Variants in GRIA1 observed in about 807,000 individuals in gnomAD.
The protein encoded by GRIA1 is glutamate ionotropic receptor AMPA type subunit 1.
A neutral mutation model predicts 99.2 loss-of-function variants in GRIA1; 31 were observed. The ratio of observed to expected loss-of-function variants is 0.31; its 90% confidence interval spans 0.23 to 0.42. GRIA1 has a LOEUF of 0.42. Ranked by LOEUF, GRIA1 falls within the 10% of genes least tolerant of loss-of-function variation. GRIA1 has a pLI of 1.00. For synonymous variants in GRIA1, 438 were observed against 432.4 expected (o/e 1.01, Z -0.16); for missense variants, 782 against 1,157.5 (o/e 0.68, Z 4.71).
chr5:153,659,216 T>A (rs962124886), intron 5 of GRIA1, among the ~76,000 whole-genome samples: 4 of 152,186 alleles, frequency 2.6e-5, no homozygotes, highest in African/African-American at 9.7e-5. Flanking sequence ...TTACTTCACA[T>A]ATTAAATCCG....
chr5:153,547,876 A>T (rs1759751394), intron 2 of GRIA1, among the ~76,000 whole-genome samples: 1 of 152,172 alleles, frequency 6.6e-6, no homozygotes, highest in Non-Finnish European at 1.5e-5. Context: ...ACTGAATCAG[A>T]GGTGACCAGG....
In GRIA1 at chr5:153,802,213, T is replaced by C. The variant is rs539151145; in HGVS notation, c.2386-143T>C. On this transcript the variant is annotated intron_variant, in intron 14 of 15. Coordinates refer to ENST00000285900, the MANE Select transcript of GRIA1 (RefSeq NM_000827.4). ...GTTTAACACTTGGTCAATGAATAAA[T>C]AGCCTATCCAGCTATTGCAAATGTT... 7.9e-5 allele frequency: 52 copies of C among 655,232 alleles called. 1 individual carries two copies. The South Asian group carries it at 9.3e-4, about 12-fold the overall frequency. 40.6% of individuals were successfully genotyped at this position (655,232 alleles called of 1,614,324 possible).
intron 2 of GRIA1, among the ~76,000 whole-genome samples, chr5:153,522,060 G>A (rs1757198526): frequency 6.6e-6 from 1 of 152,232 alleles, no homozygotes; most frequent in Non-Finnish European, 1.5e-5. Flanking sequence ...AAGTGATCCT[G>A]TAATTATTGT....
intron 13 of GRIA1, among the ~76,000 whole-genome samples, chr5:153,781,309 A>G (rs927528558): frequency 6.6e-6 from 1 of 152,166 alleles, no homozygotes; most frequent in Non-Finnish European, 1.5e-5. Flanking sequence ...TGAACTCTTA[A>G]TCATATTCTT....
chr5:153,636,074 C>A (rs368446847), intron 2 of GRIA1, among the ~76,000 whole-genome samples: 1 of 152,172 alleles, frequency 6.6e-6, no homozygotes, highest in African/African-American at 2.4e-5. Flanking sequence ...GACTTTGGTC[C>A]TGTCAGGGTT....
rs550654271 is a variant in GRIA1, at chr5:153,646,247, G to C, written c.221-681G>C. ...GAAAATCAGCTAGCAAGATGTACAA[G>C]CACAAAGTGAACATTAGCAGACAAA... On this transcript the variant is annotated intron_variant, in intron 2 of 15. Coordinates refer to ENST00000285900, the MANE Select transcript of GRIA1 (RefSeq NM_000827.4). Among the ~76,000 whole-genome samples, 70 of 152,084 alleles carry C rather than the reference G, an allele frequency of 4.6e-4. No homozygotes were observed. In the South Asian group the frequency reaches 9.1e-3, roughly 20 times the overall value.
At chr5:153,605,926 T>C (rs1765398794) in intron 2 of GRIA1, among the ~76,000 whole-genome samples, 1 of 152,212 alleles carries the variant, frequency 6.6e-6, no homozygotes, top group Non-Finnish European at 1.5e-5. Flanking sequence ...TATCTCTTGC[T>C]GTGCAGGACA....
intron 11 of GRIA1, among the ~76,000 whole-genome samples, chr5:153,709,263 A>G (rs957018160): frequency 5.9e-5 from 9 of 152,364 alleles, no homozygotes; most frequent in Middle Eastern, 3.4e-3. Context: ...TAAAGCTGAC[A>G]TTCATCAAAC....
At chr5:153,706,655 C>T (rs1370023532) in intron 11 of GRIA1, among the ~76,000 whole-genome samples, 2 of 152,140 alleles carry the variant, frequency 1.3e-5, no homozygotes, top group African/African-American at 2.4e-5. Context: ...GCCCTTTATG[C>T]GGCTCTCAGA....
At chr5:153,516,303 A>G (rs1218288556) in intron 2 of GRIA1, among the ~76,000 whole-genome samples, 1 of 151,742 alleles carries the variant, frequency 6.6e-6, no homozygotes, top group Non-Finnish European at 1.5e-5. Context: ...CCATTGGATA[A>G]ATAACTGTTT....
chr5:153,694,932 G>C (rs1475418470), intron 8 of GRIA1, among the ~76,000 whole-genome samples: 3 of 151,948 alleles, frequency 2.0e-5, no homozygotes, highest in African/African-American at 7.3e-5. Flanking sequence ...GAGGAAGGAA[G>C]GGAGAAAGGA....
At chr5:153,611,243 A>C (rs1324010975) in intron 2 of GRIA1, among the ~76,000 whole-genome samples, 4 of 152,180 alleles carry the variant, frequency 2.6e-5, no homozygotes. Flanking sequence ...AAATATTCAT[A>C]AATTTTGCAA....
In GRIA1 at chr5:153,650,722, T is replaced by C. The variant is rs116202676; in HGVS notation, c.645+208T>C. ...GGGAGCCTTGACATAGGGCTTCAAA[T>C]GGTTCTCAGACCTGTTAACTCCAAT... is the stretch of plus-strand genomic sequence containing the variant. On this transcript the variant is annotated intron_variant, in intron 4 of 15. Coordinates refer to ENST00000285900, the MANE Select transcript of GRIA1 (RefSeq NM_000827.4). Among the ~76,000 whole-genome samples the C allele has an allele frequency of 5.6e-3, 850 of 151,302 alleles. 5 individuals are homozygous for C. Among genetic ancestry groups the C allele is most frequent in the Non-Finnish European group, 9.0e-3 (613 of 67,824 alleles).
At chr5:153,527,134 A>G (rs1337544241) in intron 2 of GRIA1, among the ~76,000 whole-genome samples, 1 of 152,216 alleles carries the variant, frequency 6.6e-6, no homozygotes, top group Non-Finnish European at 1.5e-5. Flanking sequence ...CATAATCTTG[A>G]GAACACAATC....
intron 5 of GRIA1, among the ~76,000 whole-genome samples, chr5:153,662,958 C>T (rs956831079): frequency 1.3e-5 from 2 of 152,144 alleles, no homozygotes; most frequent in Non-Finnish European, 2.9e-5. Flanking sequence ...TTCCCTCTCC[C>T]GCTCTGCTCT....
At chr5:153,610,871 A>G (rs1765921265) in intron 2 of GRIA1, among the ~76,000 whole-genome samples, 1 of 152,248 alleles carries the variant, frequency 6.6e-6, no homozygotes. Context: ...ATAATTGTAT[A>G]GTAATGCTCA....
intron 8 of GRIA1, among the ~76,000 whole-genome samples, chr5:153,693,355 T>G (rs1757894350): frequency 6.6e-6 from 1 of 151,566 alleles, no homozygotes; most frequent in Admixed American, 6.6e-5. Context: ...TCCACCAACA[T>G]CTCTACACCA....
chr5:153,571,459 C>CA (rs1363579806), intron 2 of GRIA1, among the ~76,000 whole-genome samples: 1 of 152,134 alleles, frequency 6.6e-6, no homozygotes, highest in African/African-American at 2.4e-5. Context: ...CATGTTCCAG[C>CA]AAAACTATTT....
At chr5:153,548,066 C>A (rs1429123205) in intron 2 of GRIA1, among the ~76,000 whole-genome samples, 1 of 152,144 alleles carries the variant, frequency 6.6e-6, no homozygotes, top group East Asian at 1.9e-4. Context: ...TAATATACAT[C>A]ACTTGCATGA....
Sources: allele counts gnomAD v4.1 joint callset (sites outside exome capture counted in the v4.1 genomes callset), GRCh38; gene constraint gnomAD v4.1.1; transcripts MANE v1.5; gene names NCBI Gene and HGNC (gene_info 2026-07-23, HGNC 2026-07-21).